The following LMO7 variants were observed in gnomAD, a reference collection of about 807,000 sequenced individuals.
The protein encoded by LMO7 is LIM domain 7, also known as LIM domain only protein 7.
LMO7 carries 120 observed loss-of-function variants against 206.5 expected under a neutral mutation model. The observed-to-expected ratio is 0.58, with a 90% CI of 0.50 to 0.68. The LOEUF is 0.68. LMO7 is among the 30% of genes least tolerant of loss of function. The pLI, the probability that LMO7 is intolerant of heterozygous loss-of-function variation, is 0.00. For synonymous variants in LMO7, 706 were observed against 681.5 expected, an observed-to-expected ratio of 1.04 and a Z score of -0.56; for missense variants, 1,959 against 1,957.9, an observed-to-expected ratio of 1.00 and a Z score of -0.01.
chr13:75,781,656 T>C (rs58237031), intron 4 of LMO7, among the ~76,000 whole-genome samples: 9,471 of 139,176 alleles, frequency 0.068, 553 homozygotes, highest in East Asian at 0.16. Flanking sequence ...AATGGGATGG[T>C]TGGGTCAAAT....
chr13:75,718,306 T>C (rs1385764308), intron 2 of LMO7, among the ~76,000 whole-genome samples: 1 of 152,196 alleles, frequency 6.6e-6, no homozygotes, highest in Non-Finnish European at 1.5e-5. Flanking sequence ...AGAAGGTTTT[T>C]AATATTGTGG....
chr13:75,762,940 A>G (rs2048378955), intron 4 of LMO7, among the ~76,000 whole-genome samples: 1 of 152,208 alleles, frequency 6.6e-6, no homozygotes, highest in South Asian at 2.1e-4. Context: ...AATGTTGTCC[A>G]AGTTCTTATG....
rs2059573719 is a variant in LMO7 at position 75,841,808 on chromosome 13, C to T, written c.3856C>T (p.Pro1286Ser). Residue 1286 changes from proline (P) to serine (S), a missense_variant, in exon 24 of 31, where the codon CCG (proline) becomes TCG (serine). Transcript: ENST00000377534. Reference protein sequence around the residue: ...EVVHEDQGKKPQDQLVIERER... With the variant: ...EVVHEDQGKKSQDQLVIERER... ...TGTTCATGAGGACCAAGGAAAGAAG[C>T]CGCAGGATCAGCTTGTTATTGAGAG... is the stretch of plus-strand genomic sequence containing the variant. 4 of 1,614,052 alleles carry T rather than the reference C, an allele frequency of 2.5e-6. No homozygotes were observed. The highest frequency in any genetic ancestry group is 3.4e-6 in the Non-Finnish European group (4 of 1,179,996).
chr13:75,855,102 G>A (rs2060817254), intron 28 of LMO7, 158 bp from the exon 29 acceptor site: 1 of 543,262 alleles, frequency 1.8e-6, no homozygotes, highest in Non-Finnish European at 3.3e-6. Flanking sequence ...TATAATCAAG[G>A]CACTCTTTAG....
At chr13:75,795,509 A>G in intron 5 of LMO7, 78 bp downstream of exon 5, 1 of 956,852 alleles carries the variant, frequency 1.0e-6, no homozygotes, top group Non-Finnish European at 1.6e-6. Flanking sequence ...TGAATCTAAA[A>G]GTATACTCTA....
At position 75,797,425 on chromosome 13, in the gene LMO7, A is replaced by T. The variant is rs76526497; in HGVS notation, c.462+676A>T. ...GTTCTGCCAAATCTTCATTTATAAG[A>T]TCCACATGGGAAAAACGAATTTCTC... On this transcript the variant is annotated intron_variant, in intron 6 of 30. Transcript: ENST00000377534. Among the ~76,000 whole-genome samples, 451 of 152,308 alleles carry T rather than the reference A, an allele frequency of 3.0e-3. 6 individuals are homozygous for T. The highest frequency in any genetic ancestry group is 0.01 in the African/African-American group (420 of 41,556).
intron 3 of LMO7, 84 bp from the exon 4 acceptor site, chr13:75,760,848 G>A (rs1310795006): frequency 1.3e-6 from 2 of 1,575,060 alleles, no homozygotes; most frequent in East Asian, 2.3e-5. Flanking sequence ...GGACTTTGAA[G>A]CTTCGAAGTT....
chr13:75,662,349 C>T (rs980274828), intron 1 of LMO7, among the ~76,000 whole-genome samples: 3 of 152,184 alleles, frequency 2.0e-5, no homozygotes, highest in Non-Finnish European at 2.9e-5. Flanking sequence ...GACAGAATCT[C>T]ACTCTGTCAC....
Position 75,853,382 on chromosome 13 carries a change from G to T in LMO7, c.4655G>T (p.Arg1552Leu), listed in dbSNP as rs138426228. The stretch of plus-strand genomic sequence containing the variant: ...GCTTCACAGTCAGGCTCTCAGCTGC[G>T]TAACAGGTGAGGCCCTTGCTGTTTC... ...PSASQSGSQL[R>L]NRSVSGKRIC... Residue 1552 changes from arginine to leucine, a missense_variant, in exon 28 of 31, where the codon CGT becomes CTT. Physicochemically the swap from Arg to Leu is moderately radical, Grantham distance 102 (BLOSUM62 -2). Coordinates refer to ENST00000377534, the MANE Select transcript of LMO7 (RefSeq NM_001306080.2). 6 of 1,596,942 alleles carry T rather than the reference G, an allele frequency of 3.8e-6. No homozygotes were observed. The highest frequency in any genetic ancestry group is 3.4e-6 in the Non-Finnish European group (4 of 1,171,130).
At chr13:75,829,878 A>T (rs942840451) in intron 15 of LMO7, among the ~76,000 whole-genome samples, 4 of 152,096 alleles carry the variant, frequency 2.6e-5, no homozygotes, top group African/African-American at 9.7e-5. Flanking sequence ...CTTTCAGTGG[A>T]TGTGTCTGCT....
At chr13:75,824,096 G>A (rs1485467961) in intron 15 of LMO7, among the ~76,000 whole-genome samples, 1 of 152,164 alleles carries the variant, frequency 6.6e-6, no homozygotes, top group African/African-American at 2.4e-5. Flanking sequence ...TGGAGACTTT[G>A]TGCACCAGTC....
At chr13:75,833,260 G>A in intron 16 of LMO7, 95 bp downstream of exon 16, 1 of 757,042 alleles carries the variant, frequency 1.3e-6, no homozygotes, top group Non-Finnish European at 2.3e-6. Context: ...TTTGATATAG[G>A]AGGAGAAAAC....
chr13:75,627,862 T>C (rs1364368143), intron 2 of LMO7: 1 of 152,084 alleles, frequency 6.6e-6, no homozygotes, highest in Non-Finnish European at 1.5e-5. Flanking sequence ...TAATGTGGTT[T>C]TGCAATTCTA....
intron 25 of LMO7, among the ~76,000 whole-genome samples, chr13:75,845,063 T>C (rs902802928): frequency 2.0e-5 from 3 of 152,196 alleles, no homozygotes; most frequent in Non-Finnish European, 4.4e-5. Context: ...ACTTATAGTC[T>C]TCATCATCAT....
intron 2 of LMO7, among the ~76,000 whole-genome samples, chr13:75,630,704 G>A (rs1456903395): frequency 6.6e-6 from 1 of 152,138 alleles, no homozygotes; most frequent in Non-Finnish European, 1.5e-5. Context: ...AATAGCCACT[G>A]TTAAAAGTTC....
At chr13:75,647,951 C>CTTTCTTTTTTTTTTTTTTTTTTTTTTT (rs1555286938) in intron 1 of LMO7, among the ~76,000 whole-genome samples, 1 of 91,128 alleles carries the variant, frequency 1.1e-5, no homozygotes, top group Non-Finnish European at 2.0e-5. Context: ...TCTTTTCTTT[C>CTTTCTTTTTTTTTTTTTTTTTTTTTTT]TTTTTTTTTT....
At chr13:75,715,341 T>A (rs2043450839) in intron 2 of LMO7, among the ~76,000 whole-genome samples, 2 of 152,244 alleles carry the variant, frequency 1.3e-5, no homozygotes, top group South Asian at 4.1e-4. Context: ...ATTTCTACCT[T>A]AATGGCAACA....
chr13:75,806,241 T>C, intron 9 of LMO7: 1 of 990,726 alleles, frequency 1.0e-6, no homozygotes, highest in Non-Finnish European at 1.2e-6. Context: ...GGAGAAGCAG[T>C]AGTGCTTCGG....
intron 4 of LMO7, among the ~76,000 whole-genome samples, chr13:75,783,491 T>G (rs551517385): frequency 4.6e-5 from 7 of 152,258 alleles, no homozygotes; most frequent in Admixed American, 2.6e-4. Flanking sequence ...CCCAGCTAAT[T>G]TTTGTATTTT....
Sources: allele counts gnomAD v4.1 joint callset (sites outside exome capture counted in the v4.1 genomes callset), GRCh38; gene constraint gnomAD v4.1.1; transcripts MANE v1.5; gene names NCBI Gene and HGNC (gene_info 2026-07-23, HGNC 2026-07-21).